TENM3: variants seen among roughly 807,000 people sequenced by gnomAD.
The protein encoded by TENM3 is teneurin-3.
Under a neutral mutation model 255.1 loss-of-function variants are expected in TENM3, and 63 were observed. The observed-to-expected ratio is 0.25, with a 90% CI of 0.20 to 0.30. TENM3 has a LOEUF of 0.30. TENM3 is among the 10% of genes least tolerant of loss of function. The pLI, the probability that TENM3 is intolerant of heterozygous loss-of-function variation, is 1.00. For missense variants in TENM3, 2,929 were observed against 3,461.1 expected, an observed-to-expected ratio of 0.85 and a Z score of 3.86; for synonymous variants, 1,306 against 1,322.3, an observed-to-expected ratio of 0.99 and a Z score of 0.27.
chr4:182,016,014 T>G, the TENM3 span, among the ~76,000 whole-genome samples: 5 of 152,234 alleles, frequency 3.3e-5, no homozygotes, highest in Non-Finnish European at 5.9e-5. Flanking sequence ...CCGTCTTGAC[T>G]GATTATTTTG....
At chr4:182,251,861 T>C (rs779027868) in intron 1 of TENM3, among the ~76,000 whole-genome samples, 1 of 152,186 alleles carries the variant, frequency 6.6e-6, no homozygotes, top group Non-Finnish European at 1.5e-5. Flanking sequence ...CATTTCAATA[T>C]GTTACTTTGA....
intron 4 of TENM3, among the ~76,000 whole-genome samples, chr4:182,621,659 TAA>T (rs1254311172): frequency 1.1e-5 from 1 of 87,348 alleles, no homozygotes; most frequent in Admixed American, 1.4e-4. Flanking sequence ...TTATAATATA[TAA>T]TATGTATTAT....
At chr4:181,802,487 T>C in the TENM3 span, among the ~76,000 whole-genome samples, 3 of 152,148 alleles carry the variant, frequency 2.0e-5, no homozygotes, top group African/African-American at 4.8e-5. Context: ...AAAAAATAGG[T>C]CTTTTAGATC....
the TENM3 span, among the ~76,000 whole-genome samples, chr4:181,530,952 G>T: frequency 6.6e-6 from 1 of 152,006 alleles, no homozygotes; most frequent in Admixed American, 6.6e-5. Flanking sequence ...GTTGGTTTCT[G>T]CTACTTCCTT....
the TENM3 span, among the ~76,000 whole-genome samples, chr4:181,744,725 T>A: frequency 5.3e-5 from 8 of 152,174 alleles, no homozygotes; most frequent in Non-Finnish European, 1.2e-4. Flanking sequence ...ACATTCCAAA[T>A]GTATTTTGAA....
the TENM3 span, among the ~76,000 whole-genome samples, chr4:181,864,126 C>T: frequency 6.6e-6 from 1 of 152,106 alleles, no homozygotes; most frequent in African/African-American, 2.4e-5. Context: ...TGGTAACACA[C>T]TAGTATTAGT....
At position 182,653,852 on chromosome 4, in the gene TENM3, C is replaced by A; in HGVS notation, c.1070C>A (p.Thr357Asn). The A allele has an allele frequency of 6.2e-7, 1 of 1,613,140 alleles. No homozygotes were observed. The highest frequency in any genetic ancestry group is 1.7e-5 in the Admixed American group (1 of 59,898). Residue 357 changes from threonine (T) to asparagine (N), a missense_variant, in exon 6 of 28, where the codon ACC (threonine) becomes AAC (asparagine). By Grantham distance (65) the Thr-to-Asn change is moderately conservative. Transcript: ENST00000511685. ...TFENGKVNSD[T>N]MPTNTVSLPS... ...GAGAATGGAAAAGTGAATTCTGATA[C>A]CATGCCAACAAACACTGTGTCATTA...
chr4:182,224,936 G>A (rs1028019165), intron 1 of TENM3, among the ~76,000 whole-genome samples: 1 of 151,978 alleles, frequency 6.6e-6, no homozygotes, highest in African/African-American at 2.4e-5. Context: ...GTTTCACCAT[G>A]TTGGTCAGGC....
chr4:182,709,728 T>G (rs1470809911), intron 12 of TENM3, among the ~76,000 whole-genome samples: 3 of 152,166 alleles, frequency 2.0e-5, no homozygotes, highest in Non-Finnish European at 4.4e-5. Flanking sequence ...TTGTTGTTCT[T>G]CCTTCTTTTG....
At chr4:181,724,429 A>C in the TENM3 span, among the ~76,000 whole-genome samples, 2 of 151,734 alleles carry the variant, frequency 1.3e-5, no homozygotes, top group East Asian at 3.9e-4. Flanking sequence ...AAATTATCTC[A>C]ATTTTATTTT....
chr4:182,239,472 A>G (rs1242170665), upstream of TENM3, among the ~76,000 whole-genome samples: 4 of 152,186 alleles, frequency 2.6e-5, no homozygotes, highest in Non-Finnish European at 5.9e-5. Flanking sequence ...TATTAGTAAA[A>G]TATATTTTGT....
At chr4:181,809,893 T>C in the TENM3 span, among the ~76,000 whole-genome samples, 1 of 151,970 alleles carries the variant, frequency 6.6e-6, no homozygotes, top group South Asian at 2.1e-4. Context: ...GGGAACACAC[T>C]CTCCCCGGAG....
chr4:182,223,148 A>G (rs1469347397), intron 1 of TENM3, among the ~76,000 whole-genome samples: 1 of 152,244 alleles, frequency 6.6e-6, no homozygotes, highest in Non-Finnish European at 1.5e-5. Context: ...TGAGGTGGAA[A>G]GAATATAATA....
intron 3 of TENM3, among the ~76,000 whole-genome samples, chr4:182,541,048 A>G (rs1740833589): frequency 6.6e-6 from 1 of 152,200 alleles, no homozygotes; most frequent in Non-Finnish European, 1.5e-5. Context: ...CACTAATCCC[A>G]TTTTACAGAT....
In TENM3 at chr4:182,714,315, CAAAAAAAAAAAAA is replaced by C. The variant is rs374337174; in HGVS notation, c.2368+94_2368+106del. The C allele has an allele frequency of 1.1e-4, 15 of 140,958 alleles. No homozygotes were observed. The South Asian group carries it at 3.1e-3, about 29-fold the overall frequency. 8.7% of individuals were successfully genotyped at this position (140,958 alleles called of 1,614,324 possible). ...CAGTGAGTACATAGATATCTGTTGC[CAAAAAAAAAAAAA>C]AAAAAAAAAAACCTGATCCCCATCG... On this transcript the variant is annotated intron_variant, in intron 13 of 27. Transcript: ENST00000511685.
chr4:182,634,152 T>C (rs535209577), intron 5 of TENM3, among the ~76,000 whole-genome samples: 2 of 152,344 alleles, frequency 1.3e-5, no homozygotes, highest in South Asian at 2.1e-4. Context: ...GTTTCCACAC[T>C]GTCCAATTTA....
rs543775780 is a variant in TENM3 at position 182,626,295 on chromosome 4, C to A, written c.750-2356C>A. ...TAAACCAGGGAATTAATTTTGTACA[C>A]ATTCGTTTTGATGATGTTACATTTT... On this transcript the variant is annotated intron_variant, in intron 4 of 27. Transcript: ENST00000511685. 2.6e-5 allele frequency among the ~76,000 whole-genome samples: 4 copies of A among 152,278 alleles called. No individual in the cohort carries two copies. In the East Asian group the frequency reaches 7.7e-4, roughly 29 times the overall value.
chr4:181,736,957 G>T, the TENM3 span, among the ~76,000 whole-genome samples: 1 of 152,054 alleles, frequency 6.6e-6, no homozygotes, highest in Non-Finnish European at 1.5e-5. Flanking sequence ...ATCACTTCCT[G>T]GGGTGGTGAG....
chr4:181,892,211 T>C, the TENM3 span, among the ~76,000 whole-genome samples: 17 of 152,338 alleles, frequency 1.1e-4, 1 homozygote, highest in African/African-American at 4.1e-4. Flanking sequence ...CTTCTATGAA[T>C]TGCATATTCT....
Sources: allele counts gnomAD v4.1 joint callset (sites outside exome capture counted in the v4.1 genomes callset), GRCh38; gene constraint gnomAD v4.1.1; transcripts MANE v1.5; gene names NCBI Gene and HGNC (gene_info 2026-07-23, HGNC 2026-07-21).